Variants in BAZ1A observed in about 807,000 individuals in gnomAD.
BAZ1A encodes bromodomain adjacent to zinc finger domain 1A, also known as bromodomain adjacent to zinc finger domain protein 1A.
BAZ1A carries 50 observed loss-of-function variants against 185.2 expected under a neutral mutation model. The observed-to-expected ratio is 0.27, with a 90% CI of 0.22 to 0.34. The LOEUF is 0.34. BAZ1A is among the 10% of genes least tolerant of loss of function. The pLI is 1.00. For missense variants in BAZ1A, 1,356 were observed against 1,839.9 expected (o/e 0.74, Z 4.81); for synonymous variants, 571 against 615.6 (o/e 0.93, Z 1.07).
chr14:34,869,389 G>A (rs1159536118), intron 2 of BAZ1A, among the ~76,000 whole-genome samples: 3 of 152,134 alleles, frequency 2.0e-5, no homozygotes, highest in African/African-American at 4.8e-5. Context: ...AAAAACTCAT[G>A]TTTTCAAGAG....
intron 6 of BAZ1A, among the ~76,000 whole-genome samples, chr14:34,804,997 C>T (rs1881778229): frequency 6.6e-6 from 1 of 152,142 alleles, no homozygotes; most frequent in Admixed American, 6.6e-5. Context: ...AAAGGGCAGG[C>T]CTGGTAGGAG....
chr14:34,856,289 CT>C (rs10707416), intron 3 of BAZ1A, among the ~76,000 whole-genome samples: 22,247 of 134,270 alleles, frequency 0.17, 1,683 homozygotes, highest in Admixed American at 0.28. Context: ...TCAAGAGCAT[CT>C]TTTTTTTTTT....
intron 4 of BAZ1A, among the ~76,000 whole-genome samples, chr14:34,821,642 T>C (rs2042090712): frequency 1.3e-5 from 2 of 152,330 alleles, no homozygotes; most frequent in East Asian, 3.9e-4. Context: ...TTTTATGATA[T>C]TGATGTATAG....
chr14:34,771,707 G>A (rs1236298818), intron 20 of BAZ1A, 48 bp from the exon 21 acceptor site: 1 of 1,557,924 alleles, frequency 6.4e-7, no homozygotes, highest in Non-Finnish European at 8.7e-7. Context: ...AACACTATTA[G>A]GTAAAACTTG....
rs780287749 is a variant in BAZ1A, at chr14:34,759,171, G to GTTTTTTTTTTTTTTTTT, written c.4244-342_4244-326dup. 1.8e-4 allele frequency among the ~76,000 whole-genome samples: 12 copies of GTTTTTTTTTTTTTTTTT among 66,482 alleles called. 1 individual carries two copies. The highest frequency in any genetic ancestry group is 7.6e-4 in the South Asian group (1 of 1,310). 43.6% of individuals were successfully genotyped at this position (66,482 alleles called of 152,430 possible). On this transcript the variant is annotated intron_variant, in intron 24 of 26. Transcript: ENST00000360310. Reference sequence around the variant, plus strand: ...TTATTAAAAATACTTTACAGCTACAGTTTTTTTTTTTTTTTTTTTTTTTTT... The same window carrying GTTTTTTTTTTTTTTTTT: ...TTATTAAAAATACTTTACAGCTACAGTTTTTTTTTTTTTTTTTTTTTTTTTTTTTTTTTTTTTTTTTT...
At chr14:34,768,810 G>A in intron 21 of BAZ1A, 1 of 385,392 alleles carries the variant, frequency 2.6e-6, no homozygotes, top group South Asian at 2.0e-5. Context: ...GTTAGTTGAA[G>A]ATTTTTTTTT....
chr14:34,803,380 G>A (rs140964140), intron 6 of BAZ1A, among the ~76,000 whole-genome samples: 104 of 114,784 alleles, frequency 9.1e-4, no homozygotes, highest in Admixed American at 9.7e-4. Flanking sequence ...TCCATCTCAG[G>A]AAAAAAAAAA....
chr14:34,840,521 G>A (rs1392957509), intron 3 of BAZ1A, among the ~76,000 whole-genome samples: 1 of 152,136 alleles, frequency 6.6e-6, no homozygotes, highest in Non-Finnish European at 1.5e-5. Flanking sequence ...CACTTTAGGA[G>A]GCCGAGGCAG....
intron 2 of BAZ1A, among the ~76,000 whole-genome samples, chr14:34,868,938 T>A (rs1327408559): frequency 6.6e-6 from 1 of 151,028 alleles, no homozygotes; most frequent in Non-Finnish European, 1.5e-5. Flanking sequence ...ATAATACATG[T>A]ATATATATAC....
chr14:34,808,292 G>A (rs1433975871), intron 5 of BAZ1A, among the ~76,000 whole-genome samples: 2 of 151,724 alleles, frequency 1.3e-5, no homozygotes, highest in African/African-American at 2.4e-5. Context: ...TCAGGAGTTC[G>A]AGACCAGCCT....
At chr14:34,835,038 AG>A (rs2042306663) in intron 3 of BAZ1A, among the ~76,000 whole-genome samples, 2 of 150,562 alleles carry the variant, frequency 1.3e-5, no homozygotes, top group Non-Finnish European at 2.9e-5. Context: ...ATTTTCTAGA[AG>A]ATGAAATTCC....
chr14:34,857,477 T>C (rs1224533452), intron 3 of BAZ1A, among the ~76,000 whole-genome samples: 1 of 152,094 alleles, frequency 6.6e-6, no homozygotes, highest in African/African-American at 2.4e-5. Context: ...CATCTTACCA[T>C]CTACTAAAGG....
chr14:34,839,335 C>G (rs2042376468), intron 3 of BAZ1A, among the ~76,000 whole-genome samples: 2 of 150,266 alleles, frequency 1.3e-5, no homozygotes, highest in Admixed American at 1.3e-4. Flanking sequence ...TGCTTGAGCT[C>G]AGGAGTTCAA....
chr14:34,760,385 A>G (rs1464440321), intron 24 of BAZ1A, among the ~76,000 whole-genome samples: 1 of 152,222 alleles, frequency 6.6e-6, no homozygotes. Flanking sequence ...TGGTGACTGC[A>G]TAAACAGATT....
At chr14:34,851,776 T>TAA (rs111955378) in intron 3 of BAZ1A, among the ~76,000 whole-genome samples, 161 of 147,954 alleles carry the variant, frequency 1.1e-3, no homozygotes, top group South Asian at 6.2e-3. Context: ...CATAGTGAAG[T>TAA]AAAAAAAAAA....
intron 4 of BAZ1A, among the ~76,000 whole-genome samples, chr14:34,822,230 G>T (rs552566149): frequency 6.6e-6 from 1 of 152,320 alleles, no homozygotes; most frequent in African/African-American, 2.4e-5. Flanking sequence ...GGGAGGTGGA[G>T]TTTGCAGTGA....
chr14:34,842,033 C>T (rs533084050), intron 3 of BAZ1A, among the ~76,000 whole-genome samples: 1 of 152,076 alleles, frequency 6.6e-6, no homozygotes, highest in South Asian at 2.1e-4. Context: ...TAAAATTATC[C>T]TTTTGTGTTT....
At chr14:34,816,244 C>T (rs780117067) in intron 4 of BAZ1A, among the ~76,000 whole-genome samples, 2 of 151,950 alleles carry the variant, frequency 1.3e-5, no homozygotes, top group Non-Finnish European at 2.9e-5. Context: ...CGTGCCACCA[C>T]GCCTGGCTAA....
intron 20 of BAZ1A, among the ~76,000 whole-genome samples, chr14:34,772,842 A>G (rs1031789650): frequency 6.6e-5 from 10 of 152,194 alleles, no homozygotes; most frequent in Admixed American, 6.5e-4. Context: ...GTCCTGGCCA[A>G]CGTGGCGAAA....
Sources: gnomAD v4.1 joint callset for allele counts (sites outside exome capture counted in the v4.1 genomes callset) on GRCh38, gnomAD v4.1.1 for gene constraint, MANE v1.5 for transcripts, NCBI Gene and HGNC (gene_info 2026-07-23, HGNC 2026-07-21) for gene names.